Variants in ADAMTSL1 observed in about 807,000 individuals in gnomAD.
ADAMTSL1 encodes ADAMTS like 1.
ADAMTSL1 carries 126 observed loss-of-function variants against 201.8 expected under a neutral mutation model. The observed-to-expected ratio is 0.62, with a 90% CI of 0.54 to 0.72. The LOEUF (loss-of-function observed/expected upper bound fraction) is 0.72. Among genes scored for constraint, ADAMTSL1 ranks in the 30% least tolerant of loss-of-function variants. The pLI is 0.00. For missense variants in ADAMTSL1, 2,679 were observed against 2,277.8 expected, an observed-to-expected ratio of 1.18 and a Z score of -3.59; for synonymous variants, 1,121 against 903.4, an observed-to-expected ratio of 1.24 and a Z score of -4.32.
At chr9:18,544,411 A>G (rs923628113) in intron 3 of ADAMTSL1, among the ~76,000 whole-genome samples, 7 of 152,200 alleles carry the variant, frequency 4.6e-5, no homozygotes, top group Admixed American at 4.6e-4. Flanking sequence ...TTGTTAGGGA[A>G]CATATGAAAG....
At position 18,728,623 on chromosome 9, in the gene ADAMTSL1, T is replaced by A. The variant is rs115636366; in HGVS notation, c.2006+6958T>A. Among the ~76,000 whole-genome samples, 325 of 152,050 alleles carry A rather than the reference T, an allele frequency of 2.1e-3. 1 individual carries two copies. The highest frequency in any genetic ancestry group is 7.7e-3 in the African/African-American group (318 of 41,474). On this transcript the variant is annotated intron_variant, in intron 15 of 28. Transcript: ENST00000380548. ...CTTTATGAATAGGGCAAGCATGGAG[T>A]TCGGTGGAAGCTTGAGGCTGAGAGA...
At chr9:18,367,499 A>C (rs1563916432) in intron 2 of ADAMTSL1, among the ~76,000 whole-genome samples, 1 of 152,098 alleles carries the variant, frequency 6.6e-6, no homozygotes, top group African/African-American at 2.4e-5. Flanking sequence ...GGGAAAGCCA[A>C]AACTTCTAAG....
In ADAMTSL1 at chr9:18,284,528, A is replaced by G. The variant is rs187143871; in HGVS notation, c.207+120547A>G. ...TGAAATGTCTGCACTATTTCTTATG[A>G]TAAATGAGGAAACAGGTGTAAATAA... On this transcript the variant is annotated intron_variant, in intron 2 of 29. Coordinates refer to the ADAMTSL1 transcript ENST00000680146. 2.8e-3 allele frequency among the ~76,000 whole-genome samples: 427 copies of G among 152,302 alleles called. 1 individual carries two copies. Among genetic ancestry groups the G allele is most frequent in the Admixed American group, 4.3e-3 (66 of 15,292 alleles).
intron 24 of ADAMTSL1, 58 bp downstream of exon 24, chr9:18,888,101 T>C: frequency 6.5e-7 from 1 of 1,527,036 alleles, no homozygotes; most frequent in Non-Finnish European, 9.0e-7. Flanking sequence ...CACTTGGGAA[T>C]CTAACTATCT....
intron 21 of ADAMTSL1, among the ~76,000 whole-genome samples, chr9:18,820,486 G>A (rs896915889): frequency 6.6e-6 from 1 of 152,096 alleles, no homozygotes; most frequent in African/African-American, 2.4e-5. Flanking sequence ...AACCACAGCT[G>A]ACATTTTATT....
chr9:17,920,378 G>A (rs1826257672), intron 1 of ADAMTSL1, among the ~76,000 whole-genome samples: 1 of 152,072 alleles, frequency 6.6e-6, no homozygotes, highest in African/African-American at 2.4e-5. Context: ...TGTTGAACTG[G>A]CCTATTTCAT....
rs1481691612 is a variant in ADAMTSL1, at chr9:18,151,699, T to C, written c.88-12163T>C. Among the ~76,000 whole-genome samples, 3 of 151,976 alleles carry C rather than the reference T, an allele frequency of 2.0e-5. No homozygotes were observed. The East Asian group carries it at 5.8e-4, about 29-fold the overall frequency. On this transcript the variant is annotated intron_variant, in intron 1 of 29. Coordinates refer to the ADAMTSL1 transcript ENST00000680146. ...TATCTTTATAACATAGTAAGAAAGGTAAGATGAATTCCCAAATGGCCACAA... is the reference window on the plus strand; with the variant it reads ...TATCTTTATAACATAGTAAGAAAGGCAAGATGAATTCCCAAATGGCCACAA...
intron 7 of ADAMTSL1, among the ~76,000 whole-genome samples, chr9:18,655,673 T>C (rs1172414524): frequency 6.6e-6 from 1 of 151,792 alleles, no homozygotes; most frequent in Non-Finnish European, 1.5e-5. Context: ...AAAAACCTCA[T>C]CTCTTTGAAT....
intron 2 of ADAMTSL1, among the ~76,000 whole-genome samples, chr9:18,212,750 C>A (rs1272756161): frequency 6.6e-6 from 1 of 152,128 alleles, no homozygotes; most frequent in Non-Finnish European, 1.5e-5. Flanking sequence ...AAAGGGAAGA[C>A]AACTTCTAGC....
At chr9:18,283,158 A>C (rs1832859148) in intron 2 of ADAMTSL1, among the ~76,000 whole-genome samples, 1 of 152,090 alleles carries the variant, frequency 6.6e-6, no homozygotes, top group African/African-American at 2.4e-5. Flanking sequence ...TACTCTTATA[A>C]TTGGTATATC....
At chr9:18,675,408 T>C (rs1224459459) in intron 9 of ADAMTSL1, among the ~76,000 whole-genome samples, 1 of 152,174 alleles carries the variant, frequency 6.6e-6, no homozygotes, top group Non-Finnish European at 1.5e-5. Context: ...CTGAAGTACA[T>C]ATTCTCCAGC....
intron 3 of ADAMTSL1, among the ~76,000 whole-genome samples, chr9:18,544,403 G>T (rs577879896): frequency 2.8e-4 from 43 of 152,136 alleles, no homozygotes; most frequent in Non-Finnish European, 5.0e-4. Context: ...ACTCCAAATT[G>T]TTAGGGAACA....
chr9:18,287,631 G>GCATATATGTATGTGTATACATATACA (rs1450848628), intron 2 of ADAMTSL1, among the ~76,000 whole-genome samples: 35 of 115,430 alleles, frequency 3.0e-4, no homozygotes, highest in East Asian at 2.0e-3. Flanking sequence ...ATACATATAC[G>GCATATATGTATGTGTATACATATACA]CATATATGTA....
intron 1 of ADAMTSL1, among the ~76,000 whole-genome samples, chr9:18,010,622 T>A (rs11788496): frequency 6.6e-6 from 1 of 151,944 alleles, no homozygotes; most frequent in Non-Finnish European, 1.5e-5. Context: ...CTAAGTATCG[T>A]CAGTGCTGTT....
chr9:17,961,245 GA>G (rs1165135181), intron 1 of ADAMTSL1, among the ~76,000 whole-genome samples: 2 of 151,852 alleles, frequency 1.3e-5, no homozygotes, highest in African/African-American at 4.8e-5. Flanking sequence ...TGGATGTTGT[GA>G]TTATTATTAT....
At chr9:18,115,930 T>C (rs775920677) in intron 1 of ADAMTSL1, among the ~76,000 whole-genome samples, 1 of 152,194 alleles carries the variant, frequency 6.6e-6, no homozygotes, top group Non-Finnish European at 1.5e-5. Context: ...TCTCTAACAG[T>C]ACTCAGAATG....
At chr9:18,170,429 T>A (rs1235808325) in intron 2 of ADAMTSL1, among the ~76,000 whole-genome samples, 1 of 151,974 alleles carries the variant, frequency 6.6e-6, no homozygotes, top group African/African-American at 2.4e-5. Context: ...AATAAATATC[T>A]TGGAGAAATA....
At chr9:18,023,693 A>G (rs1008152941) in intron 1 of ADAMTSL1, among the ~76,000 whole-genome samples, 1 of 152,144 alleles carries the variant, frequency 6.6e-6, no homozygotes. Context: ...CCATCTATAC[A>G]TAATATTTCA....
chr9:18,683,754 C>G (rs1830661901), intron 12 of ADAMTSL1, among the ~76,000 whole-genome samples: 1 of 152,184 alleles, frequency 6.6e-6, no homozygotes, highest in African/African-American at 2.4e-5. Flanking sequence ...TACCAAGCCA[C>G]TTCAGAGAAA....
Sources: allele counts gnomAD v4.1 joint callset (sites outside exome capture counted in the v4.1 genomes callset), GRCh38; gene constraint gnomAD v4.1.1; transcripts MANE v1.5; gene names NCBI Gene and HGNC (gene_info 2026-07-23, HGNC 2026-07-21).